CSTL1: variants seen among roughly 807,000 people sequenced by gnomAD.
CSTL1 encodes cystatin like 1, also known as cystatin-like 1.
CSTL1 carries 14 observed loss-of-function variants against 14.4 expected under a neutral mutation model. That is an observed-to-expected ratio of 0.97 (90% CI 0.64 to 1.52). CSTL1 has a LOEUF of 1.52. CSTL1 is among the 40% of genes most tolerant of loss of function. The pLI is 0.00. For synonymous variants in CSTL1, 72 were observed against 67.5 expected (o/e 1.07, Z -0.33); for missense variants, 170 against 168.7 (o/e 1.01, Z -0.04).
chr20:23,453,113 G>A, the CSTL1 span, among the ~76,000 whole-genome samples: 28 of 152,120 alleles, frequency 1.8e-4, no homozygotes, highest in African/African-American at 5.5e-4. Context: ...CATTGTCTTG[G>A]TGGGAGCCAG....
At chr20:23,447,778 T>G (rs943323885), downstream of CSTL1, among the ~76,000 whole-genome samples, 1 of 152,226 alleles carries the variant, frequency 6.6e-6, no homozygotes, top group Admixed American at 6.5e-5. Flanking sequence ...TGTGTTTCTA[T>G]TGGATATATG....
At chr20:23,444,670 G>A in intron 3 of CSTL1, 101 bp from the exon 4 acceptor site, 1 of 726,904 alleles carries the variant, frequency 1.4e-6, no homozygotes, top group Non-Finnish European at 2.5e-6. Context: ...CTGCCCATGG[G>A]GTTCATGAGC....
chr20:23,447,203 G>A (rs1986985510), downstream of CSTL1, among the ~76,000 whole-genome samples: 1 of 152,212 alleles, frequency 6.6e-6, no homozygotes, highest in Non-Finnish European at 1.5e-5. Flanking sequence ...CTTGTTGGTT[G>A]CATTTTTAGA....
the CSTL1 span, chr20:23,450,641 AAGG>A: frequency 1.4e-6 from 2 of 1,388,424 alleles, no homozygotes; most frequent in Non-Finnish European, 2.0e-6. Flanking sequence ...TGAAATTTAA[AAGG>A]AGAAGGAAGA....
chr20:23,446,013 A>G (rs1238034419), downstream of CSTL1, among the ~76,000 whole-genome samples: 3 of 152,200 alleles, frequency 2.0e-5, no homozygotes, highest in Non-Finnish European at 4.4e-5. Flanking sequence ...CTTAAGACCC[A>G]GCAGCCAGGG....
At chr20:23,443,143 C>T (rs1986876407) in intron 2 of CSTL1, among the ~76,000 whole-genome samples, 1 of 152,158 alleles carries the variant, frequency 6.6e-6, no homozygotes. Flanking sequence ...TCCTCATTTC[C>T]TAGATGAGGA....
chr20:23,452,322 G>A, the CSTL1 span, among the ~76,000 whole-genome samples: 1 of 152,184 alleles, frequency 6.6e-6, no homozygotes, highest in Non-Finnish European at 1.5e-5. Flanking sequence ...GCATGCTCAT[G>A]GCTAGGTCAC....
downstream of CSTL1, among the ~76,000 whole-genome samples, chr20:23,448,241 T>C (rs1909125783): frequency 6.6e-6 from 1 of 152,100 alleles, no homozygotes; most frequent in Admixed American, 6.5e-5. Context: ...CTTTATGGCA[T>C]TACTTTGAAT....
At chr20:23,445,845 G>T (rs1986954295), downstream of CSTL1, among the ~76,000 whole-genome samples, 1 of 152,076 alleles carries the variant, frequency 6.6e-6, no homozygotes, top group African/African-American at 2.4e-5. Flanking sequence ...TGACAGCAAT[G>T]GGACACAGGG....
chr20:23,440,755 T>TA, intron 2 of CSTL1: 1 of 428,504 alleles, frequency 2.3e-6, no homozygotes, highest in Non-Finnish European at 4.2e-6. Context: ...AGGATTAAAC[T>TA]CTTTTTTTTT....
the CSTL1 span, chr20:23,452,512 T>G: frequency 1.1e-6 from 1 of 924,926 alleles, no homozygotes; most frequent in South Asian, 1.3e-5. Context: ...TGAGTGGGAC[T>G]ATTCCTGACA....
At chr20:23,452,804 G>C in the CSTL1 span, 392 of 1,612,806 alleles carry the variant, frequency 2.4e-4, no homozygotes, top group Non-Finnish European at 3.1e-4. Flanking sequence ...CCAGGGCTCA[G>C]CCATCATCCT....
the CSTL1 span, among the ~76,000 whole-genome samples, chr20:23,453,284 C>T: frequency 4.6e-5 from 7 of 152,124 alleles, no homozygotes; most frequent in Admixed American, 3.3e-4. Context: ...TTCCTGGAGA[C>T]GAGTTCTGGA....
chr20:23,450,469 T>C, the CSTL1 span: 1 of 1,383,504 alleles, frequency 7.2e-7, no homozygotes, highest in Non-Finnish European at 1.0e-6. Flanking sequence ...CAGGATTCTC[T>C]CACATGCAGT....
the CSTL1 span, among the ~76,000 whole-genome samples, chr20:23,453,870 T>A: frequency 6.6e-6 from 1 of 151,838 alleles, no homozygotes. Flanking sequence ...ATAGCCACAT[T>A]CACACCCGAA....
In CSTL1 at chr20:23,440,348, G is replaced by C; in HGVS notation, c.81G>C (p.Arg27Ser). 1 of 1,614,216 alleles carries C rather than the reference G, an allele frequency of 6.2e-7. No homozygotes were observed. Among genetic ancestry groups the C allele is most frequent in the Non-Finnish European group, 8.5e-7 (1 of 1,180,036 alleles). ...VLSAKLGHFQ[R>S]WEGFQQKLMS... is the part of the protein sequence containing the mutation. ...CAGCCAAGCTGGGTCACTTCCAAAGGTGGGAGGGCTTCCAGCAGAAGCTCA... is the reference window on the plus strand; with the variant it reads ...CAGCCAAGCTGGGTCACTTCCAAAGCTGGGAGGGCTTCCAGCAGAAGCTCA... Residue 27 changes from arginine (R) to serine (S), a missense_variant, in exon 2 of 4, where the codon AGG becomes AGC. By Grantham distance (110) the Arg-to-Ser change is moderately radical. Transcript: ENST00000347397.
chr20:23,451,975 G>T, the CSTL1 span: 1 of 1,392,690 alleles, frequency 7.2e-7, no homozygotes, highest in Non-Finnish European at 1.0e-6. Flanking sequence ...CCCTGTCTGC[G>T]GTTTCTGTGC....
chr20:23,450,578 G>A, the CSTL1 span: 1 of 1,608,018 alleles, frequency 6.2e-7, no homozygotes, highest in Non-Finnish European at 8.5e-7. Flanking sequence ...CTGAGAAGAA[G>A]CAGTTGACTT....
downstream of CSTL1, among the ~76,000 whole-genome samples, chr20:23,445,969 G>C (rs1361312732): frequency 6.6e-6 from 1 of 152,214 alleles, no homozygotes; most frequent in Non-Finnish European, 1.5e-5. Flanking sequence ...TCCCCCAGAA[G>C]TGAGCTGTGG....
Sources: allele counts gnomAD v4.1 joint callset (sites outside exome capture counted in the v4.1 genomes callset), GRCh38; gene constraint gnomAD v4.1.1; transcripts MANE v1.5; gene names NCBI Gene and HGNC (gene_info 2026-07-23, HGNC 2026-07-21).